The following ROCK1 variants were observed in gnomAD, a reference collection of about 807,000 sequenced individuals.
The protein encoded by ROCK1 is rho-associated protein kinase 1.
Under a neutral mutation model 196.8 loss-of-function variants are expected in ROCK1, and 36 were observed. The observed-to-expected ratio is 0.18, with a 90% CI of 0.14 to 0.24. The LOEUF is 0.24. Among genes scored for constraint, ROCK1 ranks in the 10% least tolerant of loss-of-function variants. The probability of loss-of-function intolerance (pLI) is 1.00; values close to 1 mark genes in which losing one functional copy is unlikely to be tolerated. For missense variants in ROCK1, 920 were observed against 1,562.0 expected (o/e 0.59, Z 6.93); for synonymous variants, 443 against 515.9 (o/e 0.86, Z 1.91).
At chr18:20,958,589 A>G (rs1364608941) in intron 29 of ROCK1, among the ~76,000 whole-genome samples, 1 of 151,516 alleles carries the variant, frequency 6.6e-6, no homozygotes, top group Non-Finnish European at 1.5e-5. Flanking sequence ...ATATATTTAT[A>G]TTTCCCCTTA....
At chr18:21,011,286 TTTTGA>T (rs1172220203) in intron 13 of ROCK1, among the ~76,000 whole-genome samples, 3 of 152,274 alleles carry the variant, frequency 2.0e-5, no homozygotes, top group African/African-American at 4.8e-5. Flanking sequence ...TTAGCATTCC[TTTTGA>T]TTTAACTATG....
chr18:20,957,941 C>T (rs2035261732), intron 29 of ROCK1, among the ~76,000 whole-genome samples: 1 of 151,992 alleles, frequency 6.6e-6, no homozygotes, highest in Admixed American at 6.6e-5. Context: ...ACCACTGTGC[C>T]CAGCCACAAG....
intron 12 of ROCK1, among the ~76,000 whole-genome samples, chr18:21,018,948 C>T (rs899884449): frequency 1.3e-5 from 2 of 152,002 alleles, no homozygotes; most frequent in Admixed American, 6.5e-5. Flanking sequence ...TTAAAATAAA[C>T]GTGAGCATAA....
At chr18:20,953,874 A>C in intron 31 of ROCK1, 89 bp from the exon 32 acceptor site, 1 of 584,088 alleles carries the variant, frequency 1.7e-6, no homozygotes, top group Non-Finnish European at 2.9e-6. Context: ...TCAAGTTCTT[A>C]AGGTTTTAAA....
intron 25 of ROCK1, chr18:20,968,441 G>C (rs558244382): frequency 1.1e-4 from 22 of 206,144 alleles, no homozygotes; most frequent in African/African-American, 5.1e-4. Context: ...TGACTAGCTG[G>C]TATTACTGGA....
chr18:20,986,566 C>T (rs1309489764), intron 19 of ROCK1, among the ~76,000 whole-genome samples: 1 of 152,128 alleles, frequency 6.6e-6, no homozygotes, highest in Non-Finnish European at 1.5e-5. Context: ...TCAATCTAAG[C>T]CAGGAAAGAC....
intron 1 of ROCK1, among the ~76,000 whole-genome samples, chr18:21,093,843 C>A (rs1305021264): frequency 6.6e-6 from 1 of 151,956 alleles, no homozygotes; most frequent in Non-Finnish European, 1.5e-5. Context: ...GTAGTCCCAG[C>A]TACTCGGGAG....
At position 20,982,772 on chromosome 18, in the gene ROCK1, T is replaced by C. The variant is rs549403398; in HGVS notation, c.2550A>G (p.Gln850=). The C allele has an allele frequency of 1.3e-4, 199 of 1,533,266 alleles. No individual in the cohort carries two copies. The South Asian group carries it at 1.8e-3, about 14-fold the overall frequency. 95.0% of individuals were successfully genotyped at this position (1,533,266 alleles called of 1,614,324 possible). A position where few individuals can be genotyped will look rare whatever the true frequency, so the allele number is the denominator to read the frequency against. The change falls in exon 21 of 33, where the codon CAA becomes CAG. Residue 850 remains glutamine (Q), a synonymous_variant. Coordinates refer to ENST00000399799, the MANE Select transcript of ROCK1 (RefSeq NM_005406.3). ...AATGATTCTCACTTACCGAGAAATA[T>C]TGCTCAGCTTCAAGCTGATCTTGTA... ...RELQDQLEAE[Q]YFSTLYKTQV...
intron 1 of ROCK1, among the ~76,000 whole-genome samples, chr18:21,095,943 T>C (rs941374735): frequency 2.3e-4 from 35 of 151,734 alleles, no homozygotes; most frequent in African/African-American, 8.0e-4. Context: ...AAACATCCCA[T>C]GTACCCCATA....
At chr18:20,977,223 G>T (rs573246515) in intron 22 of ROCK1, among the ~76,000 whole-genome samples, 48 of 152,274 alleles carry the variant, frequency 3.2e-4, no homozygotes, top group African/African-American at 1.1e-3. Context: ...GAAAGTCCCT[G>T]ATTGGAGTGC....
intron 17 of ROCK1, among the ~76,000 whole-genome samples, chr18:20,992,442 AAAC>A (rs2035634543): frequency 6.6e-6 from 1 of 152,206 alleles, no homozygotes; most frequent in African/African-American, 2.4e-5. Context: ...GCTAACTGTA[AAAC>A]AACAGAACAG....
intron 1 of ROCK1, among the ~76,000 whole-genome samples, chr18:21,102,680 T>C (rs144218058): frequency 4.5e-4 from 69 of 152,134 alleles, no homozygotes; most frequent in African/African-American, 1.6e-3. Flanking sequence ...CTGGGCAACA[T>C]GGCAAAACCC....
In ROCK1 at chr18:21,103,267, T is replaced by C. The variant is rs111935960; in HGVS notation, c.93+7551A>G. 6.5e-3 allele frequency among the ~76,000 whole-genome samples: 995 copies of C among 152,266 alleles called. 13 individuals carry two copies. The highest frequency in any genetic ancestry group is 0.023 in the African/African-American group (955 of 41,570). On this transcript the variant is annotated intron_variant, in intron 1 of 32. Transcript: ENST00000399799. The stretch of plus-strand genomic sequence containing the variant: ...CAAAAAATAATGGCAAATATAACTA[T>C]TGAAATTAATTTAGGAACTAGTTCC...
At chr18:21,108,056 GA>G (rs910856249) in intron 1 of ROCK1, among the ~76,000 whole-genome samples, 29 of 141,458 alleles carry the variant, frequency 2.1e-4, no homozygotes, top group African/African-American at 3.4e-4. Flanking sequence ...TTCCATCTCA[GA>G]AAAAAAAAAA....
At chr18:20,992,268 T>C (rs368711254) in intron 17 of ROCK1, among the ~76,000 whole-genome samples, 9 of 152,222 alleles carry the variant, frequency 5.9e-5, no homozygotes, top group East Asian at 5.8e-4. Context: ...TGAGGTTCTA[T>C]TGAACCTCCA....
intron 3 of ROCK1, 33 bp downstream of exon 3, chr18:21,049,747 A>G (rs1163826949): frequency 8.3e-7 from 1 of 1,203,240 alleles, no homozygotes; most frequent in African/African-American, 1.5e-5. Flanking sequence ...TAATTTAATA[A>G]AGTCCTTTTG....
At chr18:21,055,974 A>G (rs2143527584) in intron 2 of ROCK1, among the ~76,000 whole-genome samples, 1 of 152,242 alleles carries the variant, frequency 6.6e-6, no homozygotes, top group Admixed American at 6.5e-5. Context: ...TAACACTTCA[A>G]TCACTCTCTC....
intron 1 of ROCK1, among the ~76,000 whole-genome samples, chr18:21,076,459 G>A (rs1481285785): frequency 1.3e-5 from 2 of 152,182 alleles, no homozygotes; most frequent in East Asian, 1.9e-4. Context: ...AGCCGAGATC[G>A]TGCCACTGCA....
At chr18:20,994,203 G>A (rs1486208147) in intron 16 of ROCK1, among the ~76,000 whole-genome samples, 3 of 152,076 alleles carry the variant, frequency 2.0e-5, no homozygotes, top group Admixed American at 1.3e-4. Context: ...AACAGCTGCC[G>A]CTTTCTTTCA....
Sources: gnomAD v4.1 joint callset for allele counts (sites outside exome capture counted in the v4.1 genomes callset) on GRCh38, gnomAD v4.1.1 for gene constraint, MANE v1.5 for transcripts, NCBI Gene and HGNC (gene_info 2026-07-23, HGNC 2026-07-21) for gene names.